GPD2: variants seen among roughly 807,000 people sequenced by gnomAD.
GPD2 encodes the protein glycerol-3-phosphate dehydrogenase, mitochondrial.
GPD2 carries 54 observed loss-of-function variants against 82.4 expected under a neutral mutation model. The observed-to-expected ratio is 0.66, with a 90% CI of 0.53 to 0.82. GPD2 has a LOEUF of 0.82. Among genes scored for constraint, GPD2 ranks in the 40% least tolerant of loss-of-function variants. GPD2 has a pLI of 0.00. For synonymous variants in GPD2, 288 were observed against 306.1 expected (o/e 0.94, Z 0.62); for missense variants, 748 against 896.2 (o/e 0.83, Z 2.11).
chr2:156,452,542 G>A lies in GPD2; in HGVS notation c.-9+16029G>A, dbSNP rs552921934. ...TCAGAGGGAGACCATGGAAAGAGAG[G>A]GAGAGGGAGACCGTGGGGAGAGGGG... On this transcript the variant is annotated intron_variant, in intron 1 of 16. Coordinates refer to ENST00000438166, the MANE Select transcript of GPD2 (RefSeq NM_000408.5). 5.9e-5 allele frequency among the ~76,000 whole-genome samples: 9 copies of A among 152,292 alleles called. No individual in the cohort carries two copies. In the South Asian group the frequency reaches 1.7e-3, roughly 28 times the overall value.
intron 1 of GPD2, among the ~76,000 whole-genome samples, chr2:156,473,076 G>T (rs982717269): frequency 6.6e-6 from 1 of 152,108 alleles, no homozygotes; most frequent in South Asian, 2.1e-4. Flanking sequence ...GATAATCTTA[G>T]GAAAGTCAAA....
chr2:156,552,985 C>T (rs1281234673), intron 8 of GPD2, among the ~76,000 whole-genome samples: 4 of 149,892 alleles, frequency 2.7e-5, no homozygotes, highest in Admixed American at 2.0e-4. Context: ...CTGCAACCTC[C>T]ACCTCCTGAG....
In GPD2 at chr2:156,549,705, C is replaced by A; in HGVS notation, c.759C>A (p.Leu253=). ...TANYMEVVSL[L]KKTDPQTGKV... The stretch of plus-strand genomic sequence containing the variant: ...ATTACATGGAGGTAGTGAGCTTGCT[C>A]AAGAAGACAGACCCCCAGACAGGGA... Residue 253 remains leucine, a synonymous_variant, in exon 7 of 17, where the codon CTC becomes CTA. Coordinates refer to ENST00000438166, the MANE Select transcript of GPD2 (RefSeq NM_000408.5). 6.2e-7 allele frequency: 1 copy of A among 1,614,034 alleles called. No homozygotes were observed.
chr2:156,562,561 A>G (rs1687213368), intron 9 of GPD2, among the ~76,000 whole-genome samples: 1 of 127,852 alleles, frequency 7.8e-6, no homozygotes, highest in Admixed American at 8.4e-5. Flanking sequence ...TTGTTTTTTG[A>G]AAGTGGCAAA....
upstream of GPD2, among the ~76,000 whole-genome samples, chr2:156,433,928 C>A (rs142121779): frequency 6.6e-6 from 1 of 152,226 alleles, no homozygotes; most frequent in African/African-American, 2.4e-5. Context: ...AAATCCAGGA[C>A]TGGCACCCAA....
intron 16 of GPD2, among the ~76,000 whole-genome samples, chr2:156,582,483 C>CT (rs1491217176): frequency 1.8e-5 from 1 of 56,836 alleles, no homozygotes; most frequent in Non-Finnish European, 3.1e-5. Context: ...TTTGAAGTTG[C>CT]TAAAAAAAAA....
intron 1 of GPD2, among the ~76,000 whole-genome samples, chr2:156,469,834 A>G (rs1297066838): frequency 6.6e-6 from 1 of 152,230 alleles, no homozygotes; most frequent in African/African-American, 2.4e-5. Context: ...TAGAAAGGTA[A>G]TTGAGGTTTC....
At chr2:156,434,125 A>T (rs989569348), upstream of GPD2, among the ~76,000 whole-genome samples, 5 of 152,322 alleles carry the variant, frequency 3.3e-5, no homozygotes, top group East Asian at 9.6e-4. Flanking sequence ...ATTTTTTGAG[A>T]TGGAGTCTCA....
intron 6 of GPD2, among the ~76,000 whole-genome samples, chr2:156,528,762 G>A (rs575913451): frequency 8.6e-5 from 13 of 151,976 alleles, no homozygotes; most frequent in African/African-American, 2.9e-4. Flanking sequence ...TACAAAGGAC[G>A]TGATCTCATC....
chr2:156,473,440 CCT>C (rs1223930595), intron 1 of GPD2: 1 of 152,162 alleles, frequency 6.6e-6, no homozygotes, highest in East Asian at 1.9e-4. Context: ...TGAATGAACA[CCT>C]CTGAGAATGA....
chr2:156,566,501 A>G (rs1687396778), intron 9 of GPD2, among the ~76,000 whole-genome samples: 1 of 152,108 alleles, frequency 6.6e-6, no homozygotes, highest in Non-Finnish European at 1.5e-5. Flanking sequence ...TGGATTATTT[A>G]TTTAGCACAA....
chr2:156,454,794 G>T (rs1484469731), intron 1 of GPD2, among the ~76,000 whole-genome samples: 1 of 152,106 alleles, frequency 6.6e-6, no homozygotes, highest in Admixed American at 6.5e-5. Flanking sequence ...GTTAGTCCTG[G>T]TGATGTCTTG....
intron 6 of GPD2, among the ~76,000 whole-genome samples, chr2:156,534,925 C>T (rs1000951106): frequency 2.2e-4 from 34 of 152,028 alleles, no homozygotes; most frequent in Non-Finnish European, 5.0e-4. Flanking sequence ...GTGAGAGAAT[C>T]TAGGAAAGCT....
At chr2:156,543,157 T>G (rs1359865386) in intron 6 of GPD2, among the ~76,000 whole-genome samples, 1 of 152,222 alleles carries the variant, frequency 6.6e-6, no homozygotes, top group Non-Finnish European at 1.5e-5. Context: ...GTTGAAGACA[T>G]TCTATTTCCA....
chr2:156,446,816 A>G, intron 1 of GPD2, among the ~76,000 whole-genome samples: 1 of 152,228 alleles, frequency 6.6e-6, no homozygotes, highest in Admixed American at 6.5e-5. Flanking sequence ...GGCCTCCCAA[A>G]GTGCTGGGAT....
chr2:156,419,490 T>A, the GPD2 span, among the ~76,000 whole-genome samples: 1 of 152,250 alleles, frequency 6.6e-6, no homozygotes, highest in African/African-American at 2.4e-5. Context: ...CTTCTTTTGT[T>A]GTTGATGTTG....
Position 156,564,081 on chromosome 2 carries a change from A to G in GPD2, c.1166-4744A>G, listed in dbSNP as rs116265094. On this transcript the variant is annotated intron_variant, in intron 9 of 16. Coordinates refer to ENST00000438166, the MANE Select transcript of GPD2 (RefSeq NM_000408.5). ...TATACACTTAGAGAAAGACATACTA[A>G]ATTTAATAGAATCGTTGAATTTGGG... 9.8e-3 allele frequency among the ~76,000 whole-genome samples: 1,498 copies of G among 152,250 alleles called. 8 individuals carry two copies. The highest frequency in any genetic ancestry group is 0.012 in the Non-Finnish European group (810 of 67,980).
the GPD2 span, among the ~76,000 whole-genome samples, chr2:156,419,356 G>A: frequency 6.6e-6 from 1 of 152,214 alleles, no homozygotes; most frequent in Admixed American, 6.5e-5. Flanking sequence ...ACCACGCCCA[G>A]CCCAGGGTAC....
At position 156,568,894 on chromosome 2, in the gene GPD2, A is replaced by T. The variant is rs1439545546; in HGVS notation, c.1235A>T (p.Asp412Val). The T allele has an allele frequency of 6.2e-7, 1 of 1,611,926 alleles. No individual in the cohort carries two copies. Among genetic ancestry groups the T allele is most frequent in the Non-Finnish European group, 8.5e-7 (1 of 1,178,284 alleles). ...CTTGTTACAGACCCCAAATCTGCAG[A>T]TACTCAGTCTATCTCCCGAAATCAT... ...RPLVTDPKSA[D>V]TQSISRNHVV... Residue 412 changes from aspartate to valine, a missense_variant, in exon 10 of 17, where the codon GAT becomes GTT. Asp to Val is a radical substitution (Grantham distance 152). Coordinates refer to ENST00000438166, the MANE Select transcript of GPD2 (RefSeq NM_000408.5).
Sources: gnomAD v4.1 joint callset for allele counts (sites outside exome capture counted in the v4.1 genomes callset) on GRCh38, gnomAD v4.1.1 for gene constraint, MANE v1.5 for transcripts, NCBI Gene and HGNC (gene_info 2026-07-23, HGNC 2026-07-21) for gene names.